The following GRB14 variants were observed in gnomAD, a reference collection of about 807,000 sequenced individuals.
GRB14 encodes the protein growth factor receptor-bound protein 14.
A neutral mutation model predicts 69.1 loss-of-function variants in GRB14; 38 were observed. The ratio of observed to expected loss-of-function variants is 0.55; its 90% CI spans 0.42 to 0.72. GRB14 has a LOEUF of 0.72. Ranked by LOEUF, GRB14 falls within the 30% of genes least tolerant of loss-of-function variation. The pLI, the probability that GRB14 is intolerant of heterozygous loss-of-function variation, is 0.00. For missense variants in GRB14, 666 were observed against 666.1 expected, an observed-to-expected ratio of 1.00 and a Z score of 0.00; for synonymous variants, 247 against 241.3, an observed-to-expected ratio of 1.02 and a Z score of -0.22.
chr2:164,570,194 T>C (rs944076607), intron 2 of GRB14, among the ~76,000 whole-genome samples: 2 of 149,890 alleles, frequency 1.3e-5, no homozygotes, highest in Non-Finnish European at 3.0e-5. Flanking sequence ...GGAGAATTGC[T>C]TGAACCCGGG....
At chr2:164,579,854 CAGAGGAGATCAT>C (rs1366475558) in intron 2 of GRB14, among the ~76,000 whole-genome samples, 2 of 152,030 alleles carry the variant, frequency 1.3e-5, no homozygotes, top group East Asian at 3.9e-4. Flanking sequence ...AACAAGAGAA[CAGAGGAGATCAT>C]AAAGTGGTTA....
At chr2:164,545,543 C>T (rs1184268717) in intron 3 of GRB14, among the ~76,000 whole-genome samples, 1 of 152,144 alleles carries the variant, frequency 6.6e-6, no homozygotes, top group East Asian at 1.9e-4. Context: ...GAAATTAGAG[C>T]TTCCAGAGGA....
chr2:164,543,337 T>C (rs2105306115), intron 3 of GRB14, among the ~76,000 whole-genome samples: 1 of 150,482 alleles, frequency 6.6e-6, no homozygotes, highest in Non-Finnish European at 1.5e-5. Context: ...ATATAAATCA[T>C]GGAATACTAT....
intron 2 of GRB14, among the ~76,000 whole-genome samples, chr2:164,587,559 T>C (rs1689567241): frequency 6.6e-6 from 1 of 152,196 alleles, no homozygotes; most frequent in Non-Finnish European, 1.5e-5. Context: ...TTTAATAATG[T>C]CATATTGCTT....
At chr2:164,603,662 CA>C (rs1257080656) in intron 2 of GRB14, among the ~76,000 whole-genome samples, 716 of 66,660 alleles carry the variant, frequency 0.011, 14 homozygotes, top group African/African-American at 0.034. Flanking sequence ...GACACCACCT[CA>C]AAAAAAAAAT....
intron 3 of GRB14, among the ~76,000 whole-genome samples, chr2:164,542,791 T>G (rs1305453457): frequency 6.6e-6 from 1 of 152,216 alleles, no homozygotes; most frequent in Non-Finnish European, 1.5e-5. Flanking sequence ...ACACTGCTGG[T>G]GGAATGTAAA....
intron 2 of GRB14, among the ~76,000 whole-genome samples, chr2:164,559,090 A>C (rs1317966774): frequency 1.3e-5 from 2 of 152,194 alleles, no homozygotes; most frequent in African/African-American, 4.8e-5. Flanking sequence ...AAAGTGCCAT[A>C]CAATCAATAA....
chr2:164,518,618 T>C (rs1339259101), intron 6 of GRB14, among the ~76,000 whole-genome samples: 2 of 151,908 alleles, frequency 1.3e-5, no homozygotes, highest in East Asian at 3.9e-4. Flanking sequence ...TGATAGACCA[T>C]TAGCCAAGAT....
Position 164,619,687 on chromosome 2 carries a change from C to G in GRB14, c.324G>C (p.Gln108His). ...LFPKANSRKK[Q>H]VIKVYSEDET... ...AAATTTAAAATTTAAAAATGCATAC[C>G]TGTTTTTTCCTTGAATTTGCTTTGG... The change falls in exon 2 of 14, where the codon CAG (glutamine) becomes CAC (histidine). Residue 108 changes from glutamine to histidine, a missense_variant and splice_region_variant. Coordinates refer to ENST00000263915, the MANE Select transcript of GRB14 (RefSeq NM_004490.3). The G allele has an allele frequency of 6.4e-7, 1 of 1,572,614 alleles. No homozygotes were observed. Among genetic ancestry groups the G allele is most frequent in the South Asian group, 1.2e-5 (1 of 84,230 alleles).
intron 2 of GRB14, among the ~76,000 whole-genome samples, chr2:164,570,300 A>AC (rs1689096980): frequency 6.7e-6 from 1 of 149,138 alleles, no homozygotes; most frequent in Admixed American, 6.7e-5. Flanking sequence ...AAAAAAAAAA[A>AC]GTGTTATCTC....
chr2:164,503,406 G>A, intron 8 of GRB14, among the ~76,000 whole-genome samples: 1 of 110,652 alleles, frequency 9.0e-6, no homozygotes, highest in East Asian at 3.8e-4. Flanking sequence ...TCCCTTAAAA[G>A]CAATTCTAGC....
intron 2 of GRB14, among the ~76,000 whole-genome samples, chr2:164,556,829 A>T (rs192519374): frequency 3.9e-4 from 60 of 152,242 alleles, no homozygotes; most frequent in Admixed American, 5.9e-4. Context: ...TCTCCTCTTT[A>T]TATCCCCAGC....
intron 2 of GRB14, among the ~76,000 whole-genome samples, chr2:164,563,748 T>C (rs1371391507): frequency 6.6e-6 from 1 of 152,220 alleles, no homozygotes; most frequent in East Asian, 1.9e-4. Flanking sequence ...CACAGTCCTT[T>C]GTGTTTTTTG....
chr2:164,572,016 A>G (rs1202844444), intron 2 of GRB14, among the ~76,000 whole-genome samples: 1 of 152,206 alleles, frequency 6.6e-6, no homozygotes, highest in East Asian at 1.9e-4. Context: ...ACTATGTGTA[A>G]AGTGCTGTGC....
intron 2 of GRB14, among the ~76,000 whole-genome samples, chr2:164,601,780 A>G (rs1042847001): frequency 3.3e-5 from 5 of 152,162 alleles, no homozygotes; most frequent in African/African-American, 1.2e-4. Context: ...AAATCACACT[A>G]CTTTACAACT....
rs939543449 is a variant in GRB14, at chr2:164,568,974, C to T, written c.325-21158G>A. Among the ~76,000 whole-genome samples the T allele has an allele frequency of 1.8e-4, 27 of 152,092 alleles. No individual in the cohort carries two copies. The East Asian group carries it at 3.7e-3, about 21-fold the overall frequency. On this transcript the variant is annotated intron_variant, in intron 2 of 13. Transcript: ENST00000263915. ...ATATTAATATCTTTCATTTCCTAAACATTAAAATTTTTGTATTATAAGCCT... is the reference window on the plus strand; with the variant it reads ...ATATTAATATCTTTCATTTCCTAAATATTAAAATTTTTGTATTATAAGCCT...
intron 3 of GRB14, among the ~76,000 whole-genome samples, chr2:164,543,541 G>A (rs891820198): frequency 2.0e-4 from 30 of 152,072 alleles, no homozygotes; most frequent in African/African-American, 6.3e-4. Flanking sequence ...GTGCAAGAAT[G>A]GTTCTTAAAC....
chr2:164,551,071 A>G (rs1362563556), intron 2 of GRB14, among the ~76,000 whole-genome samples: 1 of 152,212 alleles, frequency 6.6e-6, no homozygotes, highest in East Asian at 1.9e-4. Context: ...TGATGGAAGT[A>G]TTTATATGAT....
At chr2:164,609,633 G>A (rs1271062507) in intron 2 of GRB14, among the ~76,000 whole-genome samples, 2 of 152,040 alleles carry the variant, frequency 1.3e-5, no homozygotes, top group East Asian at 3.9e-4. Context: ...ATTTCTTTCA[G>A]CATCCTATAC....
Sources: allele counts gnomAD v4.1 joint callset (sites outside exome capture counted in the v4.1 genomes callset), GRCh38; gene constraint gnomAD v4.1.1; transcripts MANE v1.5; gene names NCBI Gene and HGNC (gene_info 2026-07-23, HGNC 2026-07-21).